The following SLC25A28 variants were observed in gnomAD, a reference collection of about 807,000 sequenced individuals.
SLC25A28 encodes solute carrier family 25 member 28.
SLC25A28 carries 10 observed loss-of-function variants against 31.9 expected under a neutral mutation model. The ratio of observed to expected loss-of-function variants is 0.31; its 90% CI spans 0.19 to 0.53. SLC25A28 has a LOEUF of 0.53. SLC25A28 is among the 20% of genes least tolerant of loss of function. The pLI is 0.95. For missense variants in SLC25A28, 256 were observed against 490.3 expected, an observed-to-expected ratio of 0.52 and a Z score of 4.51; for synonymous variants, 208 against 203.6, an observed-to-expected ratio of 1.02 and a Z score of -0.19.
At chr10:99,648,677 T>C in the SLC25A28 span, among the ~76,000 whole-genome samples, 1 of 147,550 alleles carries the variant, frequency 6.8e-6, no homozygotes, top group East Asian at 2.1e-4. Flanking sequence ...TGGTTAAATA[T>C]ATTCCTAGGT....
chr10:99,653,168 A>C, the SLC25A28 span, among the ~76,000 whole-genome samples: 1,863 of 152,276 alleles, frequency 0.012, 48 homozygotes, highest in African/African-American at 0.043. Flanking sequence ...ACTTTCAACA[A>C]ATAATGTGTG....
At chr10:99,621,980 TC>T (rs2034804960), upstream of SLC25A28, 5 of 151,980 alleles carry the variant, frequency 3.3e-5, no homozygotes, top group Admixed American at 3.3e-4. Context: ...CGTTTCAGAG[TC>T]CCTGAAGGTG....
chr10:99,622,183 A>C (rs2034808668), upstream of SLC25A28, among the ~76,000 whole-genome samples: 1 of 152,144 alleles, frequency 6.6e-6, no homozygotes. Context: ...AAGTACAAAA[A>C]TTCAAAAATT....
upstream of SLC25A28, chr10:99,620,867 T>C (rs951805506): frequency 7.1e-6 from 7 of 985,320 alleles, no homozygotes; most frequent in African/African-American, 1.2e-4. Context: ...AGAGCTGCGG[T>C]CCCTGTGCGC....
At chr10:99,635,861 T>C in the SLC25A28 span, among the ~76,000 whole-genome samples, 9 of 152,220 alleles carry the variant, frequency 5.9e-5, no homozygotes, top group South Asian at 4.2e-4. Flanking sequence ...CAACAGTGGT[T>C]AAAAGAGACA....
At chr10:99,631,663 A>C in the SLC25A28 span, among the ~76,000 whole-genome samples, 1 of 152,012 alleles carries the variant, frequency 6.6e-6, no homozygotes. Flanking sequence ...ATGACTCCTC[A>C]CCAGAAAATG....
intron 1 of SLC25A28, chr10:99,617,527 A>T: frequency 1.0e-6 from 1 of 985,316 alleles, no homozygotes; most frequent in Non-Finnish European, 1.2e-6. Context: ...CACTTATTAA[A>T]AGAAGAAGGA....
intron 1 of SLC25A28, among the ~76,000 whole-genome samples, chr10:99,614,383 AT>A (rs1037857880): frequency 6.6e-6 from 1 of 152,128 alleles, no homozygotes; most frequent in African/African-American, 2.4e-5. Flanking sequence ...GGGGCGGCTA[AT>A]TTTTTTATAC....
the SLC25A28 span, among the ~76,000 whole-genome samples, chr10:99,647,280 AC>A: frequency 1.3e-5 from 2 of 152,228 alleles, no homozygotes; most frequent in Non-Finnish European, 2.9e-5. Context: ...ATGCCTACCA[AC>A]AAAGTATAAT....
At chr10:99,643,491 A>G in the SLC25A28 span, among the ~76,000 whole-genome samples, 1 of 152,054 alleles carries the variant, frequency 6.6e-6, no homozygotes, top group Non-Finnish European at 1.5e-5. Flanking sequence ...CGGTCTATCA[A>G]TTTTGTTGAT....
upstream of SLC25A28, chr10:99,621,982 C>T (rs1029888163): frequency 2.6e-5 from 4 of 152,016 alleles, no homozygotes; most frequent in South Asian, 6.2e-4. Context: ...TTTCAGAGTC[C>T]CTGAAGGTGC....
chr10:99,626,671 C>A, the SLC25A28 span, among the ~76,000 whole-genome samples: 24 of 152,314 alleles, frequency 1.6e-4, no homozygotes, highest in African/African-American at 5.8e-4. Context: ...GACTTCATGT[C>A]TTTCCCTGAC....
intron 1 of SLC25A28, chr10:99,616,508 T>C (rs1565021583): frequency 1.0e-6 from 1 of 985,014 alleles, no homozygotes; most frequent in South Asian, 4.7e-5. Flanking sequence ...TTGCCTCCTG[T>C]ATAAGTCATT....
chr10:99,628,460 G>A, the SLC25A28 span, among the ~76,000 whole-genome samples: 4 of 152,148 alleles, frequency 2.6e-5, no homozygotes, highest in African/African-American at 7.2e-5. Flanking sequence ...CAGTAAAAAC[G>A]TTTTCATTTT....
chr10:99,612,449 GA>G, intron 3 of SLC25A28, 93 bp downstream of exon 3: 1 of 1,439,344 alleles, frequency 6.9e-7, no homozygotes, highest in Non-Finnish European at 9.6e-7. Flanking sequence ...CAAGGTAACA[GA>G]ATTTCCCACC....
chr10:99,623,966 C>G (rs2034836011), upstream of SLC25A28, among the ~76,000 whole-genome samples: 1 of 152,212 alleles, frequency 6.6e-6, no homozygotes, highest in South Asian at 2.1e-4. Flanking sequence ...ATGATGTTAC[C>G]TGAAGAATTT....
In SLC25A28 at chr10:99,613,548, C is replaced by T; in HGVS notation, c.520+148G>A. The T allele has an allele frequency of 6.7e-7, 1 of 1,492,610 alleles. No individual in the cohort carries two copies. The highest frequency in any genetic ancestry group is 2.5e-5 in the East Asian group (1 of 40,730). The allele number at this position is 1,492,610 out of a possible 1,614,324, so 92.5% of individuals were successfully genotyped here. On this transcript the variant is annotated intron_variant, in intron 2 of 3. Coordinates refer to ENST00000370495, the MANE Select transcript of SLC25A28 (RefSeq NM_031212.4). The surrounding 1 kb of genome is among the most constrained non-coding windows in gnomAD (Gnocchi z 4.9). ...GTTGAAGCGGCCCGTTGTCTGAGAA[C>T]ATCAGGTTTGGAAGTCCCTCCCTTA... is the stretch of plus-strand genomic sequence containing the variant.
At chr10:99,635,439 T>C in the SLC25A28 span, among the ~76,000 whole-genome samples, 1 of 152,124 alleles carries the variant, frequency 6.6e-6, no homozygotes, top group Non-Finnish European at 1.5e-5. Context: ...CCCAGCACTT[T>C]AGGAGGCCGA....
Position 99,613,745 on chromosome 10 carries a change from C to A in SLC25A28, c.471G>T (p.Lys157Asn). The change falls in exon 2 of 4, where the codon AAG (lysine) becomes AAT (asparagine). Residue 157 changes from lysine (K) to asparagine (N), a missense_variant. Coordinates refer to ENST00000370495, the MANE Select transcript of SLC25A28 (RefSeq NM_031212.4). The surrounding 1 kb of genome is among the most constrained non-coding windows in gnomAD (Gnocchi z 4.9). ...CAGGGTGGATTACATCACTCAATGTCTTTTTTAACTTTTCGTAGCAGGCAA... is the reference window on the plus strand; with the variant it reads ...CAGGGTGGATTACATCACTCAATGTATTTTTTAACTTTTCGTAGCAGGCAA... ...LYFACYEKLK[K>N]TLSDVIHPGG... 1 of 1,614,228 alleles carries A rather than the reference C, an allele frequency of 6.2e-7. No homozygotes were observed. The highest frequency in any genetic ancestry group is 1.1e-5 in the South Asian group (1 of 91,086).
Sources: gnomAD v4.1 joint callset for allele counts (sites outside exome capture counted in the v4.1 genomes callset) on GRCh38, gnomAD v4.1.1 for gene constraint, Gnocchi (gnomAD v3.1) non-coding constraint, MANE v1.5 for transcripts, NCBI Gene and HGNC (gene_info 2026-07-23, HGNC 2026-07-21) for gene names.